The following PDE11A variants were observed in gnomAD, a reference collection of about 807,000 sequenced individuals.
PDE11A encodes the protein phosphodiesterase 11A.
Under a neutral mutation model 100.5 loss-of-function variants are expected in PDE11A, and 100 were observed. The ratio of observed to expected loss-of-function variants is 1.00; its 90% confidence interval spans 0.85 to 1.18. The LOEUF is 1.18. Ranked by LOEUF, PDE11A falls within the 50% of genes most tolerant of loss-of-function variation. The pLI is 0.00. For missense variants in PDE11A, 1,141 were observed against 1,152.6 expected, an observed-to-expected ratio of 0.99 and a Z score of 0.15; for synonymous variants, 381 against 420.8, an observed-to-expected ratio of 0.91 and a Z score of 1.16.
rs1314848204 is a variant in PDE11A, at chr2:178,072,289, C to T, written c.149G>A (p.Gly50Asp). Residue 50 changes from glycine to aspartate, a missense_variant, in exon 1 of 20, where the codon GGT becomes GAT. By Grantham distance (94) the Gly-to-Asp change is moderately conservative. Transcript: ENST00000286063. ...GGTACCAGCCAAAGAGGGCCTTGGA[C>T]CTAAAGCCCCCTGACCCTGACTGTG... ...QRHSQGQGALGPRPSLAGTSS... is the reference protein window; with the variant it reads ...QRHSQGQGALDPRPSLAGTSS... 6.2e-6 allele frequency: 10 copies of T among 1,613,930 alleles called. No individual in the cohort carries two copies. The highest frequency in any genetic ancestry group is 8.5e-6 in the Non-Finnish European group (10 of 1,179,908).
At chr2:178,099,032 C>T (rs917882987) in intron 2 of PDE11A, among the ~76,000 whole-genome samples, 2 of 152,176 alleles carry the variant, frequency 1.3e-5, no homozygotes, top group African/African-American at 2.4e-5. Flanking sequence ...TTCTAAAACC[C>T]GCTTCAATTA....
chr2:177,985,328 C>A (rs2085927931), intron 2 of PDE11A, among the ~76,000 whole-genome samples: 1 of 152,080 alleles, frequency 6.6e-6, no homozygotes, highest in African/African-American at 2.4e-5. Context: ...GAAAAGTGAT[C>A]ATTTAGAGTT....
chr2:178,094,104 G>T (rs2087458200), intron 2 of PDE11A, among the ~76,000 whole-genome samples: 1 of 152,106 alleles, frequency 6.6e-6, no homozygotes, highest in South Asian at 2.1e-4. Flanking sequence ...ATCTTCATCA[G>T]AAGATGGGTA....
Position 177,625,165 on chromosome 2 carries a change from C to T in PDE11A, c.*4242G>A, listed in dbSNP as rs1034870425. The T allele has an allele frequency of 8.5e-5, 13 of 152,578 alleles. No homozygotes were observed. The highest frequency in any genetic ancestry group is 4.4e-5 in the Non-Finnish European group (3 of 68,024). The allele number at this position is 152,578 out of a possible 1,614,324, so 9.5% of individuals were successfully genotyped here. A position where few individuals can be genotyped will look rare whatever the true frequency, so the allele number is the denominator to read the frequency against. ...AAGATACATCTGTAGTATGATTGTG[C>T]TTACATCTACCCCATATATGTAAGT... On this transcript the variant is annotated 3_prime_UTR_variant, in exon 20 of 20. Coordinates refer to ENST00000286063, the MANE Select transcript of PDE11A (RefSeq NM_016953.4).
intron 9 of PDE11A, among the ~76,000 whole-genome samples, chr2:177,791,460 C>T (rs1205184688): frequency 1.3e-5 from 2 of 149,750 alleles, no homozygotes; most frequent in African/African-American, 4.9e-5. Context: ...ATGGGTGCAG[C>T]ACACCAGCAT....
intron 1 of PDE11A, among the ~76,000 whole-genome samples, chr2:178,065,076 A>G (rs1298634778): frequency 6.6e-6 from 1 of 152,216 alleles, no homozygotes; most frequent in Non-Finnish European, 1.5e-5. Context: ...CAATGCCTAT[A>G]AATGACCAGG....
intron 19 of PDE11A, among the ~76,000 whole-genome samples, chr2:177,663,453 T>A (rs968709856): frequency 9.2e-5 from 14 of 151,480 alleles, no homozygotes; most frequent in Non-Finnish European, 1.3e-4. Context: ...AAAAAAAAAA[T>A]TTCCATGGTC....
chr2:177,881,283 T>C (rs1306285225), intron 4 of PDE11A, among the ~76,000 whole-genome samples: 3 of 152,144 alleles, frequency 2.0e-5, no homozygotes, highest in African/African-American at 7.2e-5. Context: ...GCTTCCATAA[T>C]TATGTGAGCC....
At chr2:177,739,911 C>G (rs912501425) in intron 10 of PDE11A, among the ~76,000 whole-genome samples, 2 of 152,166 alleles carry the variant, frequency 1.3e-5, no homozygotes, top group African/African-American at 4.8e-5. Context: ...TCAAATGAGG[C>G]AAAGAGGGGT....
chr2:178,018,208 A>G, intron 1 of PDE11A: 1 of 380,806 alleles, frequency 2.6e-6, no homozygotes, highest in South Asian at 2.4e-5. Flanking sequence ...CGGGGTTGTC[A>G]GTGTTTAGCT....
At chr2:177,728,954 C>G (rs1011670215) in intron 10 of PDE11A, among the ~76,000 whole-genome samples, 12 of 152,130 alleles carry the variant, frequency 7.9e-5, no homozygotes, top group Non-Finnish European at 1.8e-4. Flanking sequence ...ATGGTGATTT[C>G]ATTGGGTTTA....
chr2:177,766,247 A>G (rs1327583299), intron 10 of PDE11A, among the ~76,000 whole-genome samples: 1 of 152,190 alleles, frequency 6.6e-6, no homozygotes, highest in East Asian at 1.9e-4. Flanking sequence ...GATCCCTCAC[A>G]TGTGCAGTTC....
chr2:177,638,356 G>T (rs2080084972), intron 19 of PDE11A, among the ~76,000 whole-genome samples: 2 of 152,026 alleles, frequency 1.3e-5, no homozygotes, highest in African/African-American at 4.8e-5. Context: ...TTTGATTTGG[G>T]TCTTTTTAAT....
At chr2:177,855,138 GT>G (rs1459232417) in intron 5 of PDE11A, among the ~76,000 whole-genome samples, 2 of 152,080 alleles carry the variant, frequency 1.3e-5, no homozygotes, top group African/African-American at 2.4e-5. Context: ...CAGAGGCACA[GT>G]AGAAGAAAGA....
At chr2:177,809,633 T>G (rs1335671379) in intron 9 of PDE11A, among the ~76,000 whole-genome samples, 1 of 152,076 alleles carries the variant, frequency 6.6e-6, no homozygotes, top group Non-Finnish European at 1.5e-5. Flanking sequence ...GGAGATAAGG[T>G]GAAGTGAGGA....
chr2:177,865,032 AT>A (rs894353367), intron 5 of PDE11A, among the ~76,000 whole-genome samples: 1 of 152,194 alleles, frequency 6.6e-6, no homozygotes, highest in African/African-American at 2.4e-5. Context: ...GTAATTCAGC[AT>A]TTTGGGAGGC....
chr2:177,783,063 T>C (rs753995804), intron 9 of PDE11A, among the ~76,000 whole-genome samples: 10 of 152,224 alleles, frequency 6.6e-5, no homozygotes, highest in Non-Finnish European at 1.5e-4. Context: ...CCTTTACTCA[T>C]ATTTCTGGCT....
chr2:177,831,091 C>T (rs2083301176), intron 6 of PDE11A, among the ~76,000 whole-genome samples: 1 of 152,174 alleles, frequency 6.6e-6, no homozygotes, highest in Non-Finnish European at 1.5e-5. Flanking sequence ...AACAGGCATT[C>T]AGAAGGCAAA....
intron 10 of PDE11A, among the ~76,000 whole-genome samples, chr2:177,754,679 G>A (rs1451749022): frequency 6.6e-6 from 1 of 152,198 alleles, no homozygotes; most frequent in Non-Finnish European, 1.5e-5. Context: ...ATCTCACTCT[G>A]TCCACTTAAA....
Sources: allele counts gnomAD v4.1 joint callset (sites outside exome capture counted in the v4.1 genomes callset), GRCh38; gene constraint gnomAD v4.1.1; transcripts MANE v1.5; gene names NCBI Gene and HGNC (gene_info 2026-07-23, HGNC 2026-07-21).